The following TTC6 variants were observed in gnomAD, a reference collection of about 807,000 sequenced individuals.
The protein encoded by TTC6 is tetratricopeptide repeat domain 6.
A neutral mutation model predicts 210.4 loss-of-function variants in TTC6; 172 were observed. The ratio of observed to expected loss-of-function variants is 0.82; its 90% confidence interval spans 0.72 to 0.93. TTC6 has a LOEUF of 0.93. TTC6 is among the 40% of genes least tolerant of loss of function. TTC6 has a pLI of 0.00. For missense variants in TTC6, 2,414 were observed against 2,318.1 expected, an observed-to-expected ratio of 1.04 and a Z score of -0.85; for synonymous variants, 804 against 819.6, an observed-to-expected ratio of 0.98 and a Z score of 0.32.
chr14:37,633,354 A>G lies in TTC6; in HGVS notation c.939+10351A>G, dbSNP rs149753385. Reference sequence around the variant, plus strand: ...AATGTTCTTCATGGCACAGTCCCTCACGGCTTCCCTTGACTAGGGGAGGGA... The same window carrying G: ...AATGTTCTTCATGGCACAGTCCCTCGCGGCTTCCCTTGACTAGGGGAGGGA... On this transcript the variant is annotated intron_variant, in intron 1 of 30. Coordinates refer to ENST00000553443, the Ensembl canonical transcript of TTC6. Among the ~76,000 whole-genome samples, 389 of 152,284 alleles carry G rather than the reference A, an allele frequency of 2.6e-3. 3 individuals are homozygous for G. The highest frequency in any genetic ancestry group is 8.9e-3 in the African/African-American group (371 of 41,566).
chr14:37,669,564 C>T (rs955735694), intron 1 of TTC6, among the ~76,000 whole-genome samples: 9 of 151,974 alleles, frequency 5.9e-5, no homozygotes, highest in South Asian at 2.1e-4. Flanking sequence ...GCCTCTCTTA[C>T]GACATGTATT....
chr14:37,752,018 G>A (rs995981061), intron 13 of TTC6, among the ~76,000 whole-genome samples: 2 of 151,870 alleles, frequency 1.3e-5, no homozygotes, highest in African/African-American at 4.8e-5. Context: ...GTAGAGATGG[G>A]GTTTCACTGT....
At chr14:37,596,228 G>A (rs777317021) in intron 1 of TTC6, among the ~76,000 whole-genome samples, 31 of 152,350 alleles carry the variant, frequency 2.0e-4, no homozygotes, top group South Asian at 1.7e-3. Context: ...GTGAGCTGGA[G>A]ACGACCGTCT....
chr14:37,649,276 C>T lies in TTC6; in HGVS notation c.939+26273C>T, dbSNP rs112930130. On this transcript the variant is annotated intron_variant, in intron 1 of 30. Coordinates refer to ENST00000553443, the Ensembl canonical transcript of TTC6. The stretch of plus-strand genomic sequence containing the variant: ...TTGACACTCCGTAGGGCTGTTTCTT[C>T]TCTGGGATCTTACTGCTTCCTGGAT... Among the ~76,000 whole-genome samples the T allele has an allele frequency of 2.6e-3, 393 of 152,290 alleles. 2 individuals are homozygous for T. Among genetic ancestry groups the T allele is most frequent in the African/African-American group, 8.4e-3 (350 of 41,562 alleles).
intron 5 of TTC6, 83 bp downstream of exon 7, chr14:37,701,609 G>T: frequency 2.4e-6 from 3 of 1,264,814 alleles, no homozygotes; most frequent in Non-Finnish European, 3.1e-6. Flanking sequence ...AGATTTTAAA[G>T]ACTTGATTCT....
At chr14:37,769,037 T>G (rs1476129026) in intron 14 of TTC6, among the ~76,000 whole-genome samples, 1 of 152,170 alleles carries the variant, frequency 6.6e-6, no homozygotes, top group Non-Finnish European at 1.5e-5. Flanking sequence ...GTCAAAGGCC[T>G]TTTCTGCATC....
intron 20 of TTC6, among the ~76,000 whole-genome samples, chr14:37,803,037 T>A (rs2096110485): frequency 6.6e-6 from 1 of 152,186 alleles, no homozygotes; most frequent in Non-Finnish European, 1.5e-5. Flanking sequence ...CCAGCCTTCA[T>A]TGACTTTCTT....
At chr14:37,681,722 TGGCCACA>T (rs1212529381) in intron 2 of TTC6, among the ~76,000 whole-genome samples, 1 of 152,146 alleles carries the variant, frequency 6.6e-6, no homozygotes, top group Admixed American at 6.6e-5. Context: ...TTTGGGCCTT[TGGCCACA>T]GATTGAAGGC....
At chr14:37,785,601 C>G (rs955764964) in intron 14 of TTC6, among the ~76,000 whole-genome samples, 2 of 152,154 alleles carry the variant, frequency 1.3e-5, no homozygotes, top group Non-Finnish European at 2.9e-5. Context: ...TTTTACCGAT[C>G]GTCTGAAGCC....
At chr14:37,632,697 G>T (rs984006588) in intron 1 of TTC6, among the ~76,000 whole-genome samples, 1 of 152,246 alleles carries the variant, frequency 6.6e-6, no homozygotes, top group African/African-American at 2.4e-5. Flanking sequence ...GAAGGTTTAA[G>T]TCTGCTCAAG....
At chr14:37,615,621 C>A (rs566397197) in intron 2 of TTC6, among the ~76,000 whole-genome samples, 65 of 151,610 alleles carry the variant, frequency 4.3e-4, no homozygotes, top group African/African-American at 1.5e-3. Flanking sequence ...TTTTTAATTT[C>A]TTTGCCAAGA....
At chr14:37,716,012 G>A (rs564608643) in intron 6 of TTC6, among the ~76,000 whole-genome samples, 1 of 129,682 alleles carries the variant, frequency 7.7e-6, no homozygotes, top group South Asian at 2.2e-4. Flanking sequence ...TCATGCTGAT[G>A]TGGTTGTAAC....
chr14:37,660,676 G>T (rs2095735551), intron 1 of TTC6, among the ~76,000 whole-genome samples: 1 of 152,166 alleles, frequency 6.6e-6, no homozygotes. Context: ...CTTTGTAATA[G>T]AATGATTTAT....
intron 3 of TTC6, among the ~76,000 whole-genome samples, chr14:37,695,810 C>T (rs972438415): frequency 4.6e-5 from 7 of 151,794 alleles, no homozygotes; most frequent in Admixed American, 4.6e-4. Context: ...TTCATGTACC[C>T]CATGAATATA....
chr14:37,811,663 A>C (rs1040784466), intron 24 of TTC6, among the ~76,000 whole-genome samples: 11 of 152,216 alleles, frequency 7.2e-5, no homozygotes, highest in African/African-American at 1.7e-4. Flanking sequence ...TGTAAAAAAA[A>C]CCAAAAAGGT....
chr14:37,749,187 C>G (rs1566928965), exon 11 of TTC6: 5 of 1,533,464 alleles, frequency 3.3e-6, no homozygotes, highest in Non-Finnish European at 3.5e-6. Context: ...GAAGACCCAC[C>G]TGAAAGAGTG....
intron 1 of TTC6, among the ~76,000 whole-genome samples, chr14:37,630,430 G>A (rs1023494123): frequency 2.6e-5 from 4 of 152,154 alleles, no homozygotes; most frequent in Non-Finnish European, 5.9e-5. Flanking sequence ...TTTGATTGCA[G>A]TGTTGTTTGA....
intron 21 of TTC6, 129 bp downstream of exon 23, chr14:37,804,943 G>T: frequency 1.1e-6 from 1 of 950,624 alleles, no homozygotes; most frequent in Non-Finnish European, 1.6e-6. Context: ...AGCTTGGCTT[G>T]TTATAGTCAT....
intron 26 of TTC6, among the ~76,000 whole-genome samples, chr14:37,820,926 T>TCTTCTCCTCCTC (rs1566973745): frequency 7.3e-5 from 10 of 137,030 alleles, no homozygotes; most frequent in Non-Finnish European, 1.6e-4. Context: ...TTCTCCTCCT[T>TCTTCTCCTCCTC]CTTCTCCTCC....
Sources: gnomAD v4.1 joint callset for allele counts (sites outside exome capture counted in the v4.1 genomes callset) on GRCh38, gnomAD v4.1.1 for gene constraint, MANE v1.5 for transcripts, NCBI Gene and HGNC (gene_info 2026-07-23, HGNC 2026-07-21) for gene names.